The following SPPL3 variants were observed in gnomAD, a reference collection of about 807,000 sequenced individuals.
SPPL3 encodes the protein signal peptide peptidase like 3.
A neutral mutation model predicts 42.4 loss-of-function variants in SPPL3; 5 were observed. The ratio of observed to expected loss-of-function variants is 0.12; its 90% CI spans 0.06 to 0.25. The LOEUF is 0.25. Among genes scored for constraint, SPPL3 ranks in the 10% least tolerant of loss-of-function variants. The probability of loss-of-function intolerance (pLI) is 1.00; values close to 1 mark genes in which losing one functional copy is unlikely to be tolerated. For synonymous variants in SPPL3, 195 were observed against 181.8 expected, an observed-to-expected ratio of 1.07 and a Z score of -0.58; for missense variants, 235 against 489.0, an observed-to-expected ratio of 0.48 and a Z score of 4.90.
chr12:120,774,539 G>A (rs1869243485), intron 6 of SPPL3, among the ~76,000 whole-genome samples: 1 of 152,044 alleles, frequency 6.6e-6, no homozygotes, highest in Non-Finnish European at 1.5e-5. Context: ...TTTCCAATTA[G>A]ACCATCTAGG....
chr12:120,828,691 A>G (rs1168857821), intron 1 of SPPL3, among the ~76,000 whole-genome samples: 1 of 152,254 alleles, frequency 6.6e-6, no homozygotes, highest in African/African-American at 2.4e-5. Context: ...AATGGAACAT[A>G]GATTCCAGAA....
chr12:120,777,510 C>G (rs1355190163), intron 6 of SPPL3, among the ~76,000 whole-genome samples: 1 of 152,178 alleles, frequency 6.6e-6, no homozygotes, highest in Non-Finnish European at 1.5e-5. Flanking sequence ...CCGGAAAAGT[C>G]TAATGCACAT....
intron 2 of SPPL3, among the ~76,000 whole-genome samples, chr12:120,798,713 T>A (rs755831225): frequency 6.6e-5 from 10 of 152,208 alleles, no homozygotes; most frequent in Non-Finnish European, 1.2e-4. Context: ...TAACTACACT[T>A]GTTATATTCT....
At chr12:120,806,834 G>A (rs1320982251) in intron 2 of SPPL3, among the ~76,000 whole-genome samples, 10 of 135,646 alleles carry the variant, frequency 7.4e-5, no homozygotes, top group South Asian at 2.6e-4. Context: ...GCGACAGAGC[G>A]AGACTCCATT....
At chr12:120,810,483 G>A (rs1243736904) in intron 2 of SPPL3, among the ~76,000 whole-genome samples, 1 of 150,686 alleles carries the variant, frequency 6.6e-6, no homozygotes, top group African/African-American at 2.4e-5. Context: ...TAAACTCTTT[G>A]TTCCCTTTGA....
intron 1 of SPPL3, among the ~76,000 whole-genome samples, chr12:120,896,773 C>T (rs1008834644): frequency 4.0e-5 from 6 of 149,166 alleles, no homozygotes; most frequent in African/African-American, 1.2e-4. Flanking sequence ...GGTGAGACTC[C>T]GTTTCAAAAA....
intron 1 of SPPL3, among the ~76,000 whole-genome samples, chr12:120,878,307 T>C (rs645661): frequency 0.9 from 137,216 of 152,228 alleles, 62,711 homozygotes; most frequent in East Asian, 1. Flanking sequence ...CTGTAACATA[T>C]TTCCAATGAA....
chr12:120,868,842 A>T (rs1335876983), intron 1 of SPPL3, among the ~76,000 whole-genome samples: 5 of 152,194 alleles, frequency 3.3e-5, no homozygotes, highest in African/African-American at 1.2e-4. Context: ...TCTGAAGTGT[A>T]ATATTAATAA....
intron 6 of SPPL3, among the ~76,000 whole-genome samples, chr12:120,775,696 C>T (rs1869290000): frequency 6.6e-6 from 1 of 152,204 alleles, no homozygotes; most frequent in African/African-American, 2.4e-5. Flanking sequence ...ATAGGTCCAA[C>T]TCTTTCAAGT....
At chr12:120,785,969 A>C (rs1215598795) in intron 3 of SPPL3, among the ~76,000 whole-genome samples, 1 of 152,072 alleles carries the variant, frequency 6.6e-6, no homozygotes, top group Admixed American at 6.5e-5. Context: ...CTACAAATAA[A>C]ATATGTAACC....
At chr12:120,777,752 T>C (rs1566038930) in intron 6 of SPPL3, among the ~76,000 whole-genome samples, 2 of 152,248 alleles carry the variant, frequency 1.3e-5, no homozygotes, top group Admixed American at 1.3e-4. Flanking sequence ...GCCATTGCAC[T>C]TCAGACTGCT....
At chr12:120,824,011 C>T (rs1248865658) in intron 1 of SPPL3, among the ~76,000 whole-genome samples, 1 of 152,010 alleles carries the variant, frequency 6.6e-6, no homozygotes. Context: ...GCTGGGACTA[C>T]AGGCGCCCGC....
Position 120,766,338 on chromosome 12 carries a change from G to T in SPPL3, c.1008C>A (p.His336Gln). ...LLTATVASRI[H>Q]RAAQPALLYL... ...AGAGAAGGGCGGGCTGGGCGGCCCG[G>T]TGAATGCGAGACGCCACAGTAGCAG... Residue 336 changes from histidine to glutamine, a missense_variant, in exon 10 of 11, where the codon CAC becomes CAA. This residue lies in a region of SPPL3 where 38 missense variants were observed against 105.2 expected (regional missense o/e 0.36). Transcript: ENST00000353487. The T allele has an allele frequency of 2.5e-6, 4 of 1,599,064 alleles. No homozygotes were observed. Among genetic ancestry groups the T allele is most frequent in the Non-Finnish European group, 2.6e-6 (3 of 1,173,442 alleles).
intron 1 of SPPL3, among the ~76,000 whole-genome samples, chr12:120,813,885 T>TG (rs1870775004): frequency 6.6e-6 from 1 of 152,198 alleles, no homozygotes; most frequent in Non-Finnish European, 1.5e-5. Context: ...CTTTTGCTTC[T>TG]GCAAAAGCTT....
intron 1 of SPPL3, among the ~76,000 whole-genome samples, chr12:120,828,887 C>G (rs1871308439): frequency 6.6e-6 from 1 of 151,958 alleles, no homozygotes; most frequent in Non-Finnish European, 1.5e-5. Context: ...TCCCGAGTTG[C>G]TGGGACTACA....
intron 2 of SPPL3, among the ~76,000 whole-genome samples, chr12:120,802,220 T>TAG (rs1396767169): frequency 6.6e-6 from 1 of 151,822 alleles, no homozygotes; most frequent in African/African-American, 2.4e-5. Context: ...GGCTTATATT[T>TAG]AGGTATTAGG....
chr12:120,840,383 G>T (rs1871779160), intron 1 of SPPL3, among the ~76,000 whole-genome samples: 1 of 150,492 alleles, frequency 6.6e-6, no homozygotes, highest in Non-Finnish European at 1.5e-5. Flanking sequence ...AGACACAAAA[G>T]GCCATATATA....
chr12:120,779,712 C>T (rs1031530153), intron 6 of SPPL3, among the ~76,000 whole-genome samples: 6 of 150,922 alleles, frequency 4.0e-5, no homozygotes, highest in African/African-American at 1.2e-4. Context: ...GGTGGGCTCA[C>T]GCCTGTAATC....
At chr12:120,880,136 A>AT (rs1301560096) in intron 1 of SPPL3, among the ~76,000 whole-genome samples, 1 of 152,036 alleles carries the variant, frequency 6.6e-6, no homozygotes, top group Non-Finnish European at 1.5e-5. Context: ...TGAAAAAAAA[A>AT]CACTGGGGCT....
Sources: allele counts gnomAD v4.1 joint callset (sites outside exome capture counted in the v4.1 genomes callset), GRCh38; gene constraint gnomAD v4.1.1; regional missense constraint gnomAD v4.1.1; transcripts MANE v1.5; gene names NCBI Gene and HGNC (gene_info 2026-07-23, HGNC 2026-07-21).